Variants in TMEM260 observed in about 807,000 individuals in gnomAD.
The protein encoded by TMEM260 is protein O-mannosyl-transferase TMEM260.
In TMEM260, 82 loss-of-function variants were observed where a neutral mutation model predicts 88.9. The ratio of observed to expected loss-of-function variants is 0.92; its 90% CI spans 0.77 to 1.11. The LOEUF (loss-of-function observed/expected upper bound fraction) is 1.11. Ranked by LOEUF, TMEM260 falls within the 50% of genes least tolerant of loss-of-function variation. The pLI, the probability that TMEM260 is intolerant of heterozygous loss-of-function variation, is 0.00. For missense variants in TMEM260, 902 were observed against 853.4 expected (o/e 1.06, Z -0.71); for synonymous variants, 314 against 309.3 (o/e 1.02, Z -0.16).
rs1885997865 is a variant in TMEM260 at position 56,593,531 on chromosome 14, A to G, written c.344+7619A>G. ...AGTATAAAATTATTTATATAAAACA[A>G]AATGTACTTAAATGACTTTTGGATT... On this transcript the variant is annotated intron_variant, in intron 3 of 15. Coordinates refer to ENST00000261556, the MANE Select transcript of TMEM260 (RefSeq NM_017799.4). 2.6e-5 allele frequency among the ~76,000 whole-genome samples: 4 copies of G among 152,006 alleles called. No individual in the cohort carries two copies. The South Asian group carries it at 8.3e-4, about 32-fold the overall frequency.
intron 14 of TMEM260, 131 bp from the exon 15 acceptor site, chr14:56,636,377 A>C: frequency 2.9e-6 from 2 of 698,128 alleles, no homozygotes; most frequent in South Asian, 3.7e-5. Context: ...CATGAATATG[A>C]GAGAATTGAA....
At chr14:56,604,341 A>G (rs1427433048) in intron 4 of TMEM260, among the ~76,000 whole-genome samples, 1 of 152,144 alleles carries the variant, frequency 6.6e-6, no homozygotes, top group Non-Finnish European at 1.5e-5. Flanking sequence ...GGCCCCCTTA[A>G]ATTAGGATGC....
At chr14:56,583,990 TTGTGTGTGTGTGTGTGTG>T (rs10594077) in intron 1 of TMEM260, among the ~76,000 whole-genome samples, 246 of 145,944 alleles carry the variant, frequency 1.7e-3, no homozygotes, top group African/African-American at 5.7e-3. Flanking sequence ...ATCCAGCCTT[TTGTGTGTGTGTGTGTGTG>T]TGTGTGTGTG....
At chr14:56,628,880 T>A (rs1888402445) in intron 12 of TMEM260, among the ~76,000 whole-genome samples, 1 of 148,932 alleles carries the variant, frequency 6.7e-6, no homozygotes, top group Admixed American at 7.1e-5. Context: ...TTTAGATTAG[T>A]TGACTTTTTG....
intron 11 of TMEM260, among the ~76,000 whole-genome samples, chr14:56,624,633 G>T (rs1888129250): frequency 1.3e-5 from 2 of 152,128 alleles, no homozygotes; most frequent in South Asian, 4.1e-4. Flanking sequence ...GATACACAGA[G>T]ATGAAAAAAT....
chr14:56,611,743 G>A (rs1887289541), intron 6 of TMEM260, among the ~76,000 whole-genome samples: 1 of 152,140 alleles, frequency 6.6e-6, no homozygotes, highest in African/African-American at 2.4e-5. Flanking sequence ...ACACACGTAT[G>A]TTCATCACAA....
rs926778656 is a variant in TMEM260 at position 56,643,624 on chromosome 14, A to G, written c.1870-3619A>G. Among the ~76,000 whole-genome samples the G allele has an allele frequency of 3.9e-3, 588 of 152,034 alleles. 1 individual carries two copies. The highest frequency in any genetic ancestry group is 5.1e-3 in the Non-Finnish European group (346 of 67,984). On this transcript the variant is annotated intron_variant, in intron 15 of 15. Transcript: ENST00000261556. ...CAAGACAGGGATGCCCTCTCTCACCACTCCTATTCAACATAGTGTTGGAAG... is the reference window on the plus strand; with the variant it reads ...CAAGACAGGGATGCCCTCTCTCACCGCTCCTATTCAACATAGTGTTGGAAG...
intron 6 of TMEM260, among the ~76,000 whole-genome samples, chr14:56,609,811 A>G (rs17091800): frequency 0.064 from 9,803 of 152,248 alleles, 843 homozygotes; most frequent in African/African-American, 0.2. Context: ...AAGAAGTTCA[A>G]AAGGCCTTGC....
chr14:56,650,438 T>TG (rs1485507570), downstream of TMEM260: 1 of 177,116 alleles, frequency 5.6e-6, no homozygotes, highest in Non-Finnish European at 1.2e-5. Context: ...TTGCCTCTGA[T>TG]AGGAGTATGC....
chr14:56,632,934 TTTAC>T, intron 12 of TMEM260, 57 bp from the exon 13 acceptor site: 9 of 1,437,520 alleles, frequency 6.3e-6, no homozygotes, highest in Non-Finnish European at 8.6e-6. Context: ...ATGAATTATA[TTTAC>T]TTAACATTTA....
chr14:56,629,901 C>T (rs760713390), intron 12 of TMEM260, among the ~76,000 whole-genome samples: 14 of 152,134 alleles, frequency 9.2e-5, no homozygotes, highest in Middle Eastern at 3.4e-3. Context: ...ATTAGCTGGA[C>T]GTGGTGGTAC....
intron 5 of TMEM260, among the ~76,000 whole-genome samples, chr14:56,606,364 C>G (rs568244719): frequency 1.3e-5 from 2 of 150,226 alleles, no homozygotes; most frequent in East Asian, 4.1e-4. Flanking sequence ...TGTTTGTGTA[C>G]AAACTCAGCT....
intron 7 of TMEM260, chr14:56,615,512 A>G (rs1426473331): frequency 6.5e-6 from 1 of 152,868 alleles, no homozygotes; most frequent in Non-Finnish European, 1.5e-5. Flanking sequence ...CATGGCCTTT[A>G]TTTTCTTCAT....
At chr14:56,662,512 C>T in the TMEM260 span, among the ~76,000 whole-genome samples, 4 of 152,264 alleles carry the variant, frequency 2.6e-5, no homozygotes, top group South Asian at 2.1e-4. Flanking sequence ...CAGAAGCCAC[C>T]GTGGTCAGGA....
At chr14:56,630,647 CTT>C (rs1276503988) in intron 12 of TMEM260, among the ~76,000 whole-genome samples, 1 of 152,068 alleles carries the variant, frequency 6.6e-6, no homozygotes, top group African/African-American at 2.4e-5. Flanking sequence ...GTTTTAAAGT[CTT>C]TGACAATTCT....
intron 3 of TMEM260, among the ~76,000 whole-genome samples, chr14:56,586,515 A>T (rs17091751): frequency 1.3e-5 from 2 of 152,072 alleles, no homozygotes; most frequent in African/African-American, 2.4e-5. Flanking sequence ...AACATTGGTC[A>T]TTAGTTTAGA....
intron 1 of TMEM260, 24 bp downstream of exon 1, chr14:56,580,098 C>G (rs183180992): frequency 0.018 from 22,167 of 1,248,730 alleles, 219 homozygotes; most frequent in Non-Finnish European, 0.02. Context: ...AGGGTTGCCC[C>G]TTCTGTCCCT....
chr14:56,596,421 T>TACAC (rs1212001356), intron 3 of TMEM260, among the ~76,000 whole-genome samples: 88 of 136,606 alleles, frequency 6.4e-4, no homozygotes, highest in African/African-American at 2.3e-3. Context: ...TATATATATA[T>TACAC]ATATACATAC....
At chr14:56,584,139 G>A (rs1462617289) in intron 1 of TMEM260, among the ~76,000 whole-genome samples, 1 of 152,016 alleles carries the variant, frequency 6.6e-6, no homozygotes, top group African/African-American at 2.4e-5. Context: ...GCCAGAGAGA[G>A]TAAAGGTCTA....
Sources: allele counts gnomAD v4.1 joint callset (sites outside exome capture counted in the v4.1 genomes callset), GRCh38; gene constraint gnomAD v4.1.1; transcripts MANE v1.5; gene names NCBI Gene and HGNC (gene_info 2026-07-23, HGNC 2026-07-21).